The following DAAM1 variants were observed in gnomAD, a reference collection of about 807,000 sequenced individuals.
The protein encoded by DAAM1 is disheveled-associated activator of morphogenesis 1.
DAAM1 carries 52 observed loss-of-function variants against 130.0 expected under a neutral mutation model. The observed-to-expected ratio is 0.40, with a 90% CI of 0.32 to 0.50. DAAM1 has a LOEUF of 0.50. Among genes scored for constraint, DAAM1 ranks in the 20% least tolerant of loss-of-function variants. The pLI is 0.61. For missense variants in DAAM1, 1,134 were observed against 1,303.8 expected (o/e 0.87, Z 2.01); for synonymous variants, 452 against 444.5 (o/e 1.02, Z -0.21).
At position 59,369,375 on chromosome 14, in the gene DAAM1, G is replaced by C. The variant is rs1887055764; in HGVS notation, c.*516G>C. ...AATGATTTTTGATAGCTGACATTGT[G>C]ATGTTGATGTATCACATCAGTAATA... On this transcript the variant is annotated 3_prime_UTR_variant, in exon 25 of 25. Transcript: ENST00000360909. 6.5e-6 allele frequency: 1 copy of C among 153,066 alleles called. No homozygotes were observed. Among genetic ancestry groups the C allele is most frequent in the African/African-American group, 2.4e-5 (1 of 41,438 alleles). 9.5% of individuals were successfully genotyped at this position (153,066 alleles called of 1,614,324 possible). A position where few individuals can be genotyped will look rare whatever the true frequency, so the allele number is the denominator to read the frequency against.
At chr14:59,354,055 C>T (rs1886382889) in intron 19 of DAAM1, 91 bp downstream of exon 19, 2 of 1,282,344 alleles carry the variant, frequency 1.6e-6, no homozygotes, top group Non-Finnish European at 2.1e-6. Context: ...ACAAGATCCC[C>T]TTGGTGATTT....
intron 2 of DAAM1, among the ~76,000 whole-genome samples, chr14:59,266,352 A>G (rs1484597682): frequency 6.6e-6 from 1 of 152,232 alleles, no homozygotes; most frequent in Admixed American, 6.5e-5. Flanking sequence ...CCCTCAAAGC[A>G]TTCCACATCT....
chr14:59,212,064 A>G (rs1469595753), intron 1 of DAAM1, among the ~76,000 whole-genome samples: 1 of 152,090 alleles, frequency 6.6e-6, no homozygotes. Flanking sequence ...TGTAGGTTTC[A>G]TTTTTTAATG....
rs768341783 is a variant in DAAM1 at position 59,363,740 on chromosome 14, C to T, written c.2784C>T (p.Ser928=). The T allele has an allele frequency of 1.2e-6, 2 of 1,614,140 alleles. No individual in the cohort carries two copies. The highest frequency in any genetic ancestry group is 1.7e-6 in the Non-Finnish European group (2 of 1,179,990). ...VSQFITVASF[S]FSDVEDLLAE... Reference sequence around the variant, plus strand: ...AGTTCATCACAGTAGCCAGCTTCAGCTTCTCTGATGTTGAAGACCTTCTAG... The same window carrying T: ...AGTTCATCACAGTAGCCAGCTTCAGTTTCTCTGATGTTGAAGACCTTCTAG... The change falls in exon 23 of 25, where the codon AGC becomes AGT. Residue 928 remains serine (S), a synonymous_variant. Coordinates refer to ENST00000360909, the MANE Select transcript of DAAM1 (RefSeq NM_001270520.2).
intron 1 of DAAM1, among the ~76,000 whole-genome samples, chr14:59,197,647 A>C (rs1171141452): frequency 6.6e-6 from 1 of 152,264 alleles, no homozygotes; most frequent in East Asian, 1.9e-4. Context: ...TTTTCTGCTA[A>C]GGGCTGGTTA....
intron 1 of DAAM1, among the ~76,000 whole-genome samples, chr14:59,208,249 C>T (rs1888323859): frequency 6.6e-6 from 1 of 152,148 alleles, no homozygotes; most frequent in Non-Finnish European, 1.5e-5. Context: ...TCCAAGGGGA[C>T]TCCCAGAGAA....
chr14:59,350,369 A>G (rs1359700388), intron 17 of DAAM1, among the ~76,000 whole-genome samples: 2 of 151,882 alleles, frequency 1.3e-5, no homozygotes, highest in East Asian at 3.9e-4. Flanking sequence ...ACACACCCCT[A>G]CATACAGCAT....
intron 1 of DAAM1, among the ~76,000 whole-genome samples, chr14:59,196,277 C>T (rs1473296215): frequency 2.0e-5 from 3 of 152,134 alleles, no homozygotes; most frequent in African/African-American, 7.2e-5. Flanking sequence ...ACATTATTCA[C>T]CAGATGAGAT....
intron 2 of DAAM1, among the ~76,000 whole-genome samples, chr14:59,289,767 G>GATAGATAGATATATATATATATATAT (rs375183979): frequency 9.1e-6 from 1 of 110,220 alleles, no homozygotes; most frequent in Non-Finnish European, 1.9e-5. Flanking sequence ...AACAAAATGT[G>GATAGATAGATATATATATATATATAT]ATATATATAT....
At chr14:59,228,783 T>C (rs1458940193) in intron 1 of DAAM1, among the ~76,000 whole-genome samples, 1 of 152,220 alleles carries the variant, frequency 6.6e-6, no homozygotes, top group Non-Finnish European at 1.5e-5. Context: ...GCCTACCTTT[T>C]CCCTCTGCCT....
chr14:59,325,344 G>A (rs147446016), intron 8 of DAAM1, among the ~76,000 whole-genome samples: 2 of 152,250 alleles, frequency 1.3e-5, no homozygotes, highest in African/African-American at 4.8e-5. Context: ...GTAGGTATAT[G>A]GGCATGTTTT....
intron 3 of DAAM1, among the ~76,000 whole-genome samples, chr14:59,312,956 G>A (rs1884650544): frequency 1.3e-5 from 2 of 152,180 alleles, no homozygotes; most frequent in Non-Finnish European, 2.9e-5. Context: ...AAGTGTCAAG[G>A]TGAATTGCAT....
chr14:59,354,328 G>A (rs1461680525), intron 19 of DAAM1, among the ~76,000 whole-genome samples: 2 of 152,160 alleles, frequency 1.3e-5, no homozygotes, highest in East Asian at 1.9e-4. Context: ...CCAAAGTGCT[G>A]GGATTACAGG....
intron 1 of DAAM1, among the ~76,000 whole-genome samples, chr14:59,245,893 TA>T (rs759765356): frequency 4.6e-5 from 7 of 152,228 alleles, no homozygotes; most frequent in Non-Finnish European, 8.8e-5. Flanking sequence ...AAGCATTCTA[TA>T]AACCATTCTT....
chr14:59,361,787 G>A (rs1037048045), intron 22 of DAAM1, among the ~76,000 whole-genome samples: 1 of 152,166 alleles, frequency 6.6e-6, no homozygotes, highest in African/African-American at 2.4e-5. Flanking sequence ...GCTTGGGCCT[G>A]CTCTGGGTGA....
rs1887129339 is a variant in DAAM1 at position 59,370,605 on chromosome 14, ATT to A, written c.*1748_*1749del. 1 of 152,134 alleles carries A rather than the reference ATT, an allele frequency of 6.6e-6. No individual in the cohort carries two copies. The highest frequency in any genetic ancestry group is 1.5e-5 in the Non-Finnish European group (1 of 67,998). The allele number at this position is 152,134 out of a possible 1,614,324, so 9.4% of individuals were successfully genotyped here. On this transcript the variant is annotated 3_prime_UTR_variant, in exon 25 of 25. Coordinates refer to ENST00000360909, the MANE Select transcript of DAAM1 (RefSeq NM_001270520.2). Reference sequence around the variant, plus strand: ...GTTTTACATCTTTTCCTCATTGCAAATTTAGTGACTTTCTACACACTATATGG... The same window carrying A: ...GTTTTACATCTTTTCCTCATTGCAAATAGTGACTTTCTACACACTATATGG...
intron 1 of DAAM1, among the ~76,000 whole-genome samples, chr14:59,205,661 C>T (rs1324884105): frequency 2.0e-5 from 3 of 152,184 alleles, no homozygotes; most frequent in Non-Finnish European, 4.4e-5. Context: ...TCCTTAAAGA[C>T]ATGATGTACT....
intron 3 of DAAM1, among the ~76,000 whole-genome samples, chr14:59,303,828 A>T (rs868528065): frequency 1.3e-5 from 2 of 152,198 alleles, no homozygotes; most frequent in African/African-American, 2.4e-5. Context: ...TGAACCCAGG[A>T]GGCGGAGGTT....
chr14:59,280,623 G>C (rs991913118), intron 2 of DAAM1, among the ~76,000 whole-genome samples: 26 of 138,254 alleles, frequency 1.9e-4, no homozygotes, highest in African/African-American at 6.5e-4. Context: ...AATTGAGTTC[G>C]CGTCTTTTGG....
Sources: allele counts gnomAD v4.1 joint callset (sites outside exome capture counted in the v4.1 genomes callset), GRCh38; gene constraint gnomAD v4.1.1; transcripts MANE v1.5; gene names NCBI Gene and HGNC (gene_info 2026-07-23, HGNC 2026-07-21).